Variants in PPP1R12A observed in about 807,000 individuals in gnomAD.
PPP1R12A encodes myosin binding subunit.
PPP1R12A carries 19 observed loss-of-function variants against 139.6 expected under a neutral mutation model. The ratio of observed to expected loss-of-function variants is 0.14; its 90% CI spans 0.09 to 0.20. The LOEUF is 0.20. PPP1R12A is among the 10% of genes least tolerant of loss of function. PPP1R12A has a pLI of 1.00. For missense variants in PPP1R12A, 925 were observed against 1,211.5 expected (o/e 0.76, Z 3.51); for synonymous variants, 427 against 420.6 (o/e 1.02, Z -0.19).
chr12:79,876,533 T>C (rs1260922770), intron 1 of PPP1R12A, among the ~76,000 whole-genome samples: 1 of 152,206 alleles, frequency 6.6e-6, no homozygotes, highest in African/African-American at 2.4e-5. Context: ...AACTAAGCTT[T>C]TTCTACACTT....
chr12:79,863,992 A>C (rs1438313972), intron 2 of PPP1R12A, among the ~76,000 whole-genome samples: 1 of 152,212 alleles, frequency 6.6e-6, no homozygotes, highest in African/African-American at 2.4e-5. Flanking sequence ...AGAAGACCGA[A>C]TAGACATCTA....
At chr12:79,776,208 T>G (rs1869700845) in intron 24 of PPP1R12A, among the ~76,000 whole-genome samples, 193 bp from the exon 25 acceptor site, 1 of 152,100 alleles carries the variant, frequency 6.6e-6, no homozygotes, top group Admixed American at 6.5e-5. Context: ...CTAATTAGTT[T>G]CATAAATGCT....
chr12:79,886,895 A>G (rs1226186428), intron 1 of PPP1R12A, among the ~76,000 whole-genome samples: 1 of 152,172 alleles, frequency 6.6e-6, no homozygotes, highest in Non-Finnish European at 1.5e-5. Context: ...ATAAAAATCT[A>G]TAAAGTAGTA....
intron 2 of PPP1R12A, among the ~76,000 whole-genome samples, chr12:79,862,082 CA>C (rs1322781242): frequency 1.3e-5 from 2 of 152,136 alleles, no homozygotes; most frequent in Non-Finnish European, 2.9e-5. Flanking sequence ...ACACCTCATA[CA>C]GGGGGGTGCC....
intron 9 of PPP1R12A, among the ~76,000 whole-genome samples, chr12:79,812,159 T>C (rs1874618295): frequency 6.6e-6 from 1 of 152,194 alleles, no homozygotes; most frequent in Non-Finnish European, 1.5e-5. Context: ...TACACTGTAA[T>C]GGCTGATATA....
rs141699774 is a variant in PPP1R12A, at chr12:79,916,398, C to A, written c.237+18297G>T. ...TCAATTCATTCTTAAGACAGATATT[C>A]ATCGACAAATGCTTTATACATTCAT... On this transcript the variant is annotated intron_variant, in intron 1 of 24. Transcript: ENST00000450142. 2.3e-3 allele frequency among the ~76,000 whole-genome samples: 348 copies of A among 152,122 alleles called. 1 individual carries two copies. Among genetic ancestry groups the A allele is most frequent in the African/African-American group, 7.7e-3 (320 of 41,496 alleles).
In PPP1R12A at chr12:79,812,043, C is replaced by T. The variant is rs1269713142; in HGVS notation, c.1240-2033G>A. On this transcript the variant is annotated intron_variant, in intron 9 of 24. Transcript: ENST00000450142. ...CAGCTAAGTGCTTCACATGGGTTATCCTGTTTCAACCTTATAATTACCCAA... is the reference window on the plus strand; with the variant it reads ...CAGCTAAGTGCTTCACATGGGTTATTCTGTTTCAACCTTATAATTACCCAA... 2.6e-5 allele frequency among the ~76,000 whole-genome samples: 4 copies of T among 152,188 alleles called. No individual in the cohort carries two copies. In the East Asian group the frequency reaches 7.7e-4, roughly 29 times the overall value.
intron 20 of PPP1R12A, 147 bp from the exon 21 acceptor site, chr12:79,788,930 TAA>T (rs905071830): frequency 1.4e-6 from 1 of 703,172 alleles, no homozygotes; most frequent in Admixed American, 3.2e-5. Flanking sequence ...TGATATATAA[TAA>T]GTGGGAAGTT....
chr12:79,799,604 T>C (rs1693517296), intron 14 of PPP1R12A, among the ~76,000 whole-genome samples: 1 of 152,216 alleles, frequency 6.6e-6, no homozygotes, highest in African/African-American at 2.4e-5. Context: ...TTTTCTGATA[T>C]AAAGAACAGG....
intron 5 of PPP1R12A, among the ~76,000 whole-genome samples, chr12:79,826,376 T>C (rs912350417): frequency 2.0e-5 from 3 of 146,786 alleles, no homozygotes; most frequent in South Asian, 2.3e-4. Context: ...GGTCTCCTTC[T>C]GTTGCCCACT....
chr12:79,846,433 C>T (rs560781773), intron 2 of PPP1R12A, among the ~76,000 whole-genome samples: 1 of 138,654 alleles, frequency 7.2e-6, no homozygotes, highest in Non-Finnish European at 1.5e-5. Context: ...TTTCTTTTTT[C>T]TCTCTGTTTT....
chr12:79,845,494 G>A (rs1409487107), intron 2 of PPP1R12A, 74 bp from the exon 3 acceptor site: 6 of 1,083,824 alleles, frequency 5.5e-6, no homozygotes, highest in Non-Finnish European at 8.2e-6. Flanking sequence ...TAACCAATGA[G>A]GAAAGTTCCT....
chr12:79,843,139 A>G (rs1442894102), intron 3 of PPP1R12A, among the ~76,000 whole-genome samples: 1 of 151,986 alleles, frequency 6.6e-6, no homozygotes, highest in Non-Finnish European at 1.5e-5. Context: ...GCTGAATAAT[A>G]TTTCACTGTA....
chr12:79,873,497 A>T (rs1180899931), intron 1 of PPP1R12A, among the ~76,000 whole-genome samples: 1 of 6,968 alleles, frequency 1.4e-4, no homozygotes, highest in Non-Finnish European at 2.2e-3. Flanking sequence ...CTCATAATTT[A>T]AAAAAAAAAA....
At chr12:79,780,020 A>T (rs888119374) in intron 23 of PPP1R12A, 1 of 152,280 alleles carries the variant, frequency 6.6e-6, no homozygotes, top group African/African-American at 2.4e-5. Flanking sequence ...CTTGGCAACA[A>T]AGTGAGACCT....
rs563919872 is a variant in PPP1R12A, at chr12:79,877,276, A to C, written c.238-4338T>G. Reference sequence around the variant, plus strand: ...CAGTTTTCCAAAGTGCCTAGAACATATCTTACATATAACAGATGATAAAAG... The same window carrying C: ...CAGTTTTCCAAAGTGCCTAGAACATCTCTTACATATAACAGATGATAAAAG... On this transcript the variant is annotated intron_variant, in intron 1 of 24. Coordinates refer to ENST00000450142, the MANE Select transcript of PPP1R12A (RefSeq NM_002480.3). 2.6e-5 allele frequency among the ~76,000 whole-genome samples: 4 copies of C among 152,306 alleles called. No homozygotes were observed. In the East Asian group the frequency reaches 7.7e-4, roughly 29 times the overall value.
chr12:79,881,697 A>G lies in PPP1R12A; in HGVS notation c.238-8759T>C, dbSNP rs535033828. On this transcript the variant is annotated intron_variant, in intron 1 of 24. Transcript: ENST00000450142. ...CAACTAAACAATAGCGTTTCACTGT[A>G]GACACGGCAACCTTCTACTGGAAGA... Among the ~76,000 whole-genome samples the G allele has an allele frequency of 2.6e-5, 4 of 152,332 alleles. No homozygotes were observed. The South Asian group carries it at 8.3e-4, about 32-fold the overall frequency.
At chr12:79,862,317 C>A (rs1881433286) in intron 2 of PPP1R12A, among the ~76,000 whole-genome samples, 1 of 152,096 alleles carries the variant, frequency 6.6e-6, no homozygotes, top group Non-Finnish European at 1.5e-5. Flanking sequence ...TGTAGGTCAC[C>A]AACGTTAAAG....
intron 1 of PPP1R12A, among the ~76,000 whole-genome samples, chr12:79,892,916 C>T (rs972988647): frequency 4.6e-5 from 7 of 151,974 alleles, no homozygotes; most frequent in African/African-American, 1.7e-4. Flanking sequence ...CCAGCCTGGC[C>T]AACATGGTGA....
Sources: gnomAD v4.1 joint callset for allele counts (sites outside exome capture counted in the v4.1 genomes callset) on GRCh38, gnomAD v4.1.1 for gene constraint, MANE v1.5 for transcripts, NCBI Gene and HGNC (gene_info 2026-07-23, HGNC 2026-07-21) for gene names.